Variants in SAXO1 observed in about 807,000 individuals in gnomAD.
SAXO1 encodes stabilizer of axonemal microtubules 1, also known as 4930500O09Rik.
SAXO1 carries 21 observed loss-of-function variants against 17.5 expected under a neutral mutation model. The observed-to-expected ratio is 1.20, with a 90% CI of 0.85 to 1.72. SAXO1 has a LOEUF of 1.72. Ranked by LOEUF, SAXO1 falls within the 40% of genes most tolerant of loss-of-function variation. SAXO1 has a pLI of 0.00. For synonymous variants in SAXO1, 274 were observed against 216.5 expected, an observed-to-expected ratio of 1.27 and a Z score of -2.33; for missense variants, 843 against 596.0, an observed-to-expected ratio of 1.41 and a Z score of -4.32.
intron 1 of SAXO1, among the ~76,000 whole-genome samples, chr9:19,013,737 G>A (rs564770036): frequency 6.6e-6 from 1 of 151,946 alleles, no homozygotes; most frequent in Non-Finnish European, 1.5e-5. Context: ...AGTGGAAACG[G>A]GTTTTCACCA....
intron 1 of SAXO1, among the ~76,000 whole-genome samples, chr9:18,959,925 A>C (rs1409725484): frequency 6.6e-6 from 1 of 152,192 alleles, no homozygotes; most frequent in Non-Finnish European, 1.5e-5. Flanking sequence ...GACTTTCATC[A>C]GCAGCAATGC....
rs7035738 is a variant in SAXO1 at position 19,033,037 on chromosome 9, G to C, written c.-129C>G. 3.1e-6 allele frequency: 3 copies of C among 977,692 alleles called. No homozygotes were observed. Among genetic ancestry groups the C allele is most frequent in the Non-Finnish European group, 4.3e-6 (3 of 699,234 alleles). The allele number at this position is 977,692 out of a possible 1,614,324, so 60.6% of individuals were successfully genotyped here. ...TTGGCAGGTGTTCTGTTTACTCGAA[G>C]GAAAATTTAAGTGGCCCTTTTGCAA... On this transcript the variant is annotated 5_prime_UTR_variant, in exon 1 of 4. Coordinates refer to ENST00000380534, the MANE Select transcript of SAXO1 (RefSeq NM_153707.4).
chr9:18,992,417 A>C (rs1354894365), intron 1 of SAXO1, among the ~76,000 whole-genome samples: 1 of 152,112 alleles, frequency 6.6e-6, no homozygotes, highest in Non-Finnish European at 1.5e-5. Flanking sequence ...TTTCTCTTTT[A>C]ATAAGGATGC....
At chr9:18,951,102 G>C (rs1195128050) in intron 1 of SAXO1, among the ~76,000 whole-genome samples, 165 bp from the exon 2 acceptor site, 2 of 152,158 alleles carry the variant, frequency 1.3e-5, no homozygotes, top group Admixed American at 6.5e-5. Context: ...ACGTGAAGTG[G>C]CCAGAATATA....
intron 1 of SAXO1, among the ~76,000 whole-genome samples, chr9:19,039,707 CT>C (rs1836029194): frequency 6.6e-6 from 1 of 152,134 alleles, no homozygotes; most frequent in African/African-American, 2.4e-5. Flanking sequence ...TGTTTTATGT[CT>C]TTGAAAGAGA....
At chr9:19,032,672 C>T (rs925275426) in intron 1 of SAXO1, among the ~76,000 whole-genome samples, 199 bp downstream of exon 1, 4 of 152,160 alleles carry the variant, frequency 2.6e-5, no homozygotes, top group Admixed American at 1.3e-4. Flanking sequence ...ACAGAAGGCC[C>T]GAAAACAGCC....
intron 1 of SAXO1, among the ~76,000 whole-genome samples, chr9:18,994,642 G>T (rs906555799): frequency 6.6e-6 from 1 of 152,208 alleles, no homozygotes; most frequent in African/African-American, 2.4e-5. Context: ...AATGGAAACC[G>T]CCTGGGCTCA....
chr9:18,955,728 C>G (rs760180253), intron 1 of SAXO1, among the ~76,000 whole-genome samples: 1 of 152,118 alleles, frequency 6.6e-6, no homozygotes, highest in African/African-American at 2.4e-5. Context: ...GGAACACTAG[C>G]TGCAGCTGCT....
chr9:18,942,032 T>A (rs985787255), intron 2 of SAXO1, among the ~76,000 whole-genome samples, 193 bp from the exon 3 acceptor site: 4 of 116,576 alleles, frequency 3.4e-5, no homozygotes, highest in African/African-American at 5.6e-5. Context: ...CTCACCCAAC[T>A]CAGACACCTG....
chr9:18,976,292 C>G (rs1221623819), intron 1 of SAXO1, among the ~76,000 whole-genome samples: 3 of 152,114 alleles, frequency 2.0e-5, no homozygotes, highest in African/African-American at 7.2e-5. Flanking sequence ...AAAAGGTTGT[C>G]TTTTCTAACA....
intron 1 of SAXO1, among the ~76,000 whole-genome samples, chr9:19,012,325 G>A (rs1310537344): frequency 6.6e-6 from 1 of 152,230 alleles, no homozygotes; most frequent in African/African-American, 2.4e-5. Context: ...TGAAACCTCT[G>A]CAATCTCTTT....
chr9:18,973,608 G>A (rs777974361), intron 1 of SAXO1, among the ~76,000 whole-genome samples: 9 of 152,214 alleles, frequency 5.9e-5, no homozygotes, highest in Non-Finnish European at 1.2e-4. Flanking sequence ...GATAAGACAA[G>A]CTGGGTGTCT....
In SAXO1 at chr9:18,927,821, G is replaced by T. The variant is rs531230052; in HGVS notation, c.*231C>A. 2.8e-4 allele frequency: 128 copies of T among 450,260 alleles called. 1 individual carries two copies. The highest frequency in any genetic ancestry group is 7.6e-5 in the Admixed American group (2 of 26,356). The allele number at this position is 450,260 out of a possible 1,614,324, so 27.9% of individuals were successfully genotyped here. On this transcript the variant is annotated 3_prime_UTR_variant, in exon 4 of 4. Coordinates refer to ENST00000380534, the MANE Select transcript of SAXO1 (RefSeq NM_153707.4). ...AAGCACAAAGTAAAGGACCTGAAAC[G>T]GGGTGGGGATGCAGTAAAGGAGAAG...
chr9:18,995,197 C>T (rs1833953284), intron 1 of SAXO1, among the ~76,000 whole-genome samples: 1 of 152,154 alleles, frequency 6.6e-6, no homozygotes, highest in Admixed American at 6.5e-5. Flanking sequence ...TGTCTAAAAA[C>T]CTAACCTAAT....
chr9:18,948,246 TGGC>T lies in SAXO1; in HGVS notation c.218+2509_218+2511del, dbSNP rs147625060. On this transcript the variant is annotated intron_variant, in intron 2 of 3. Coordinates refer to ENST00000380534, the MANE Select transcript of SAXO1 (RefSeq NM_153707.4). Reference sequence around the variant, plus strand: ...GGTCTATGAACAGTAGTGCCTATCATGGCAGGCACAGGGTTGAGAAATAATGAA... The same window carrying T: ...GGTCTATGAACAGTAGTGCCTATCATAGGCACAGGGTTGAGAAATAATGAA... Among the ~76,000 whole-genome samples, 860 of 152,316 alleles carry T rather than the reference TGGC, an allele frequency of 5.6e-3. 12 individuals are homozygous for T. The highest frequency in any genetic ancestry group is 0.03 in the Admixed American group (452 of 15,302).
At chr9:18,954,682 T>C (rs950922466) in intron 1 of SAXO1, among the ~76,000 whole-genome samples, 5 of 152,160 alleles carry the variant, frequency 3.3e-5, no homozygotes, top group African/African-American at 1.2e-4. Context: ...GGGAAATATC[T>C]GTTCTAGTAT....
chr9:19,041,161 G>GA (rs35085745), intron 1 of SAXO1, among the ~76,000 whole-genome samples: 28,554 of 72,772 alleles, frequency 0.39, 4,994 homozygotes, highest in African/African-American at 0.57. Flanking sequence ...TGAACAATCT[G>GA]AAAAAAAAAA....
At chr9:18,961,337 ATTG>A (rs111904564) in intron 1 of SAXO1, among the ~76,000 whole-genome samples, 3,058 of 152,074 alleles carry the variant, frequency 0.02, 98 homozygotes, top group African/African-American at 0.069. Context: ...CGCCTGGCTA[ATTG>A]TTTTTTGTTT....
intron 1 of SAXO1, among the ~76,000 whole-genome samples, chr9:19,044,743 G>A (rs537477232): frequency 6.6e-6 from 1 of 151,720 alleles, no homozygotes; most frequent in Admixed American, 6.6e-5. Flanking sequence ...GGCGCCTGTA[G>A]TCCCAGCTAC....
Sources: gnomAD v4.1 joint callset for allele counts (sites outside exome capture counted in the v4.1 genomes callset) on GRCh38, gnomAD v4.1.1 for gene constraint, MANE v1.5 for transcripts, NCBI Gene and HGNC (gene_info 2026-07-23, HGNC 2026-07-21) for gene names.